The following FHAD1 variants were observed in gnomAD, a reference collection of about 807,000 sequenced individuals.
FHAD1 encodes the protein forkhead-associated domain-containing protein 1.
Under a neutral mutation model 191.3 loss-of-function variants are expected in FHAD1, and 146 were observed. The observed-to-expected ratio is 0.76, with a 90% CI of 0.67 to 0.88. FHAD1 has a LOEUF of 0.88. Ranked by LOEUF, FHAD1 falls within the 40% of genes least tolerant of loss-of-function variation. The probability of loss-of-function intolerance (pLI) is 0.00; values close to 1 mark genes in which losing one functional copy is unlikely to be tolerated. For synonymous variants in FHAD1, 616 were observed against 672.3 expected (o/e 0.92, Z 1.29); for missense variants, 1,635 against 1,785.8 (o/e 0.92, Z 1.52).
intron 31 of FHAD1, chr1:15,383,378 G>A (rs1043266656): frequency 4.5e-5 from 18 of 403,448 alleles, no homozygotes; most frequent in Non-Finnish European, 9.0e-5. Context: ...CATGCTGCCC[G>A]TGACCCATGC....
In FHAD1 at chr1:15,276,494, C is replaced by T. The variant is rs564277510; in HGVS notation, c.300+3965C>T. Among the ~76,000 whole-genome samples the T allele has an allele frequency of 3.3e-5, 5 of 152,206 alleles. No individual in the cohort carries two copies. The highest frequency in any genetic ancestry group is 7.3e-5 in the Non-Finnish European group (5 of 68,040). ...TAAGAGTACACGTTATATATCATAG[C>T]TTTTTTGCCAAAGTATAGCCTAGGG... On this transcript the variant is annotated intron_variant, in intron 3 of 33. Transcript: ENST00000688493. The surrounding 1 kb of genome is among the most constrained non-coding windows in gnomAD (Gnocchi z 4.7).
At chr1:15,263,461 T>A (rs1360004461) in intron 2 of FHAD1, among the ~76,000 whole-genome samples, 1 of 151,734 alleles carries the variant, frequency 6.6e-6, no homozygotes, top group Non-Finnish European at 1.5e-5. Flanking sequence ...CTTTGATCCA[T>A]TTTGAACTAA....
At chr1:15,371,219 T>C (rs1172924890) in intron 26 of FHAD1, among the ~76,000 whole-genome samples, 1 of 152,174 alleles carries the variant, frequency 6.6e-6, no homozygotes, top group Non-Finnish European at 1.5e-5. Context: ...TCAGGCCCTA[T>C]GCCAGGGATA....
intron 1 of FHAD1, among the ~76,000 whole-genome samples, chr1:15,249,500 A>G (rs1646508485): frequency 6.6e-6 from 1 of 152,210 alleles, no homozygotes; most frequent in Non-Finnish European, 1.5e-5. Flanking sequence ...TCTTTTGGAA[A>G]AAGAAGTGTC....
At chr1:15,402,333 T>A (rs7550094), downstream of FHAD1, among the ~76,000 whole-genome samples, 3,136 of 152,344 alleles carry the variant, frequency 0.021, 51 homozygotes, top group African/African-American at 0.039. Context: ...TACTTTTTTT[T>A]AAAATTTTTT....
intron 2 of FHAD1, among the ~76,000 whole-genome samples, chr1:15,254,578 T>C (rs7524278): frequency 0.71 from 107,710 of 152,028 alleles, 39,200 homozygotes; most frequent in East Asian, 0.95. Context: ...TTATTATATA[T>C]ATAGACAGAA....
chr1:15,263,405 A>G (rs1184680672), intron 2 of FHAD1, among the ~76,000 whole-genome samples: 1 of 141,878 alleles, frequency 7.0e-6, no homozygotes, highest in Non-Finnish European at 1.6e-5. Flanking sequence ...CTTTTCTTCT[A>G]TGTTTTCTTT....
chr1:15,350,702 G>A (rs139420179), intron 19 of FHAD1, among the ~76,000 whole-genome samples: 62 of 152,316 alleles, frequency 4.1e-4, no homozygotes, highest in African/African-American at 1.5e-3. Flanking sequence ...TGGCAGAACC[G>A]CCCTAGAGGT....
At chr1:15,358,350 T>C in intron 21 of FHAD1, 67 bp downstream of exon 21, 1 of 1,462,672 alleles carries the variant, frequency 6.8e-7, no homozygotes, top group Admixed American at 2.8e-5. Flanking sequence ...GCCACGAGAA[T>C]GTGTGGTTTA....
intron 20 of FHAD1, among the ~76,000 whole-genome samples, chr1:15,356,331 A>T (rs192486135): frequency 6.1e-4 from 93 of 152,330 alleles, no homozygotes; most frequent in African/African-American, 2.1e-3. Context: ...AGTGTCTTCC[A>T]CACAAGGTCA....
intron 2 of FHAD1, among the ~76,000 whole-genome samples, chr1:15,269,000 C>T (rs1000410689): frequency 6.6e-6 from 1 of 151,974 alleles, no homozygotes; most frequent in Non-Finnish European, 1.5e-5. Context: ...ATAAATATAT[C>T]CATGGGATCA....
At chr1:15,313,211 C>T in intron 8 of FHAD1, 24 bp downstream of exon 8, 13 of 1,548,862 alleles carry the variant, frequency 8.4e-6, no homozygotes, top group South Asian at 1.2e-5. Context: ...ACTGCGTCAC[C>T]TTGTAGCCAT....
downstream of FHAD1, among the ~76,000 whole-genome samples, chr1:15,401,581 G>A (rs1338366039): frequency 3.3e-5 from 5 of 152,148 alleles, 1 homozygote; most frequent in South Asian, 4.1e-4. Context: ...CATCACCATC[G>A]CCTGCTGTTG....
intron 2 of FHAD1, among the ~76,000 whole-genome samples, chr1:15,265,198 G>C (rs1457129404): frequency 2.0e-5 from 3 of 152,158 alleles, no homozygotes; most frequent in African/African-American, 7.2e-5. Flanking sequence ...TTGAGTCTCA[G>C]CTTCTCCATC....
At chr1:15,371,436 C>T (rs912239023) in intron 26 of FHAD1, among the ~76,000 whole-genome samples, 1 of 152,178 alleles carries the variant, frequency 6.6e-6, no homozygotes, top group African/African-American at 2.4e-5. Flanking sequence ...CTTCGGGCTC[C>T]TTCCTGCTTT....
chr1:15,298,746 T>C (rs1397735547), intron 5 of FHAD1, among the ~76,000 whole-genome samples: 3 of 152,192 alleles, frequency 2.0e-5, no homozygotes, highest in Non-Finnish European at 4.4e-5. Context: ...GTAGCCATTT[T>C]TAATCCACCA....
intron 23 of FHAD1, chr1:15,364,376 G>T (rs1569585): frequency 6.6e-6 from 1 of 152,270 alleles, no homozygotes; most frequent in African/African-American, 2.4e-5. Context: ...TTGGAAGGCC[G>T]AGGCGGGTGG....
chr1:15,324,415 C>T (rs1237868236), intron 10 of FHAD1, 37 bp from the exon 11 acceptor site: 24 of 1,460,662 alleles, frequency 1.6e-5, no homozygotes, highest in Middle Eastern at 3.4e-4. Context: ...ATTATGATCA[C>T]ATTAGCAGCA....
At position 15,316,289 on chromosome 1, in the gene FHAD1, G is replaced by A; in HGVS notation, c.1171-89G>A. ...GAAACAGCAGGAAATGCTCTCAGGG[G>A]CTCACATGGGGCCTTGGAGCCCCTC... On this transcript the variant is annotated intron_variant, in intron 8 of 33. Coordinates refer to ENST00000688493, the MANE Select transcript of FHAD1 (RefSeq NM_001391957.1). The surrounding 1 kb of genome is among the most constrained non-coding windows in gnomAD (Gnocchi z 4.3). 1 of 1,002,656 alleles carries A rather than the reference G, an allele frequency of 1.0e-6. No individual in the cohort carries two copies. The highest frequency in any genetic ancestry group is 1.5e-6 in the Non-Finnish European group (1 of 659,800). The allele number at this position is 1,002,656 out of a possible 1,614,324, so 62.1% of individuals were successfully genotyped here.
Sources: allele counts gnomAD v4.1 joint callset (sites outside exome capture counted in the v4.1 genomes callset), GRCh38; gene constraint gnomAD v4.1.1; non-coding constraint Gnocchi (gnomAD v3.1); transcripts MANE v1.5; gene names NCBI Gene and HGNC (gene_info 2026-07-23, HGNC 2026-07-21).